Variants in SORCS1 observed in about 807,000 individuals in gnomAD.
SORCS1 encodes the protein sortilin related VPS10 domain containing receptor 1.
In SORCS1, 60 loss-of-function variants were observed where a neutral mutation model predicts 146.1. The observed-to-expected ratio is 0.41, with a 90% confidence interval of 0.33 to 0.51. The LOEUF (loss-of-function observed/expected upper bound fraction) is 0.51, where lower values mean the gene tolerates loss of function less well. Among genes scored for constraint, SORCS1 ranks in the 20% least tolerant of loss-of-function variants. The pLI is 0.21. For synonymous variants in SORCS1, 637 were observed against 584.0 expected (o/e 1.09, Z -1.31); for missense variants, 1,352 against 1,487.6 (o/e 0.91, Z 1.50).
intron 1 of SORCS1, among the ~76,000 whole-genome samples, chr10:106,971,673 T>C (rs1373014600): frequency 1.3e-5 from 2 of 152,236 alleles, no homozygotes; most frequent in South Asian, 2.1e-4. Flanking sequence ...CAAAGGTTTA[T>C]TGATTTTCCT....
At chr10:107,136,744 C>T (rs993636353) in intron 1 of SORCS1, among the ~76,000 whole-genome samples, 4 of 152,150 alleles carry the variant, frequency 2.6e-5, no homozygotes, top group African/African-American at 9.7e-5. Flanking sequence ...CAAGATCACC[C>T]AGCTAGTAAG....
intron 2 of SORCS1, among the ~76,000 whole-genome samples, chr10:106,838,763 G>A (rs56957578): frequency 0.038 from 5,800 of 152,256 alleles, 298 homozygotes; most frequent in East Asian, 0.24. Context: ...CAGGGAGCAA[G>A]TCTATTGGTG....
At chr10:107,167,885 T>A (rs1415283161), upstream of SORCS1, among the ~76,000 whole-genome samples, 1 of 151,992 alleles carries the variant, frequency 6.6e-6, no homozygotes, top group Non-Finnish European at 1.5e-5. Flanking sequence ...ATATGAACAT[T>A]TAGTCATTGT....
At chr10:106,703,549 C>T (rs1436387721) in intron 8 of SORCS1, among the ~76,000 whole-genome samples, 1 of 152,206 alleles carries the variant, frequency 6.6e-6, no homozygotes. Context: ...ATTAAAATCT[C>T]CCTACCCACT....
chr10:107,007,108 C>G (rs1957482910), intron 1 of SORCS1, among the ~76,000 whole-genome samples: 1 of 152,124 alleles, frequency 6.6e-6, no homozygotes, highest in Non-Finnish European at 1.5e-5. Context: ...TAAAACTTCC[C>G]CTGCAATCCC....
chr10:107,054,433 G>C (rs1960406442), intron 1 of SORCS1, among the ~76,000 whole-genome samples: 1 of 152,136 alleles, frequency 6.6e-6, no homozygotes, highest in Admixed American at 6.6e-5. Flanking sequence ...AAATGGACCA[G>C]GTAAAGACAG....
intron 2 of SORCS1, among the ~76,000 whole-genome samples, chr10:106,903,662 A>C (rs1219363483): frequency 2.6e-5 from 4 of 152,222 alleles, no homozygotes; most frequent in African/African-American, 9.6e-5. Context: ...AAGAAACCAA[A>C]TGTATTTTTA....
chr10:106,748,775 CCTTTT>C (rs1260077709), intron 5 of SORCS1, among the ~76,000 whole-genome samples: 3 of 152,144 alleles, frequency 2.0e-5, no homozygotes, highest in African/African-American at 7.2e-5. Flanking sequence ...ACAATCCTTT[CCTTTT>C]GTCTTCTTCT....
intron 23 of SORCS1, among the ~76,000 whole-genome samples, chr10:106,604,751 A>C (rs950807416): frequency 1.4e-4 from 22 of 152,012 alleles, no homozygotes; most frequent in African/African-American, 5.3e-4. Context: ...CATGCCCTTG[A>C]CTATACCAGT....
intron 1 of SORCS1, among the ~76,000 whole-genome samples, chr10:107,074,248 T>C (rs900925974): frequency 1.3e-5 from 2 of 152,194 alleles, no homozygotes; most frequent in African/African-American, 4.8e-5. Flanking sequence ...ACTGTCTCCA[T>C]AGTTTGGTCT....
rs557851124 is a variant in SORCS1, at chr10:106,973,018, G to A, written c.559-16438C>T. On this transcript the variant is annotated intron_variant, in intron 1 of 25. Transcript: ENST00000263054. ...CCATTGAGGCTGAGGGGTCATCTTT[G>A]TATCACATTCACTGAGATCTCCGTG... 1.6e-4 allele frequency among the ~76,000 whole-genome samples: 25 copies of A among 152,256 alleles called. No individual in the cohort carries two copies. The South Asian group carries it at 2.3e-3, about 14-fold the overall frequency.
At chr10:106,902,885 T>A (rs1373369714) in intron 2 of SORCS1, among the ~76,000 whole-genome samples, 1 of 152,198 alleles carries the variant, frequency 6.6e-6, no homozygotes, top group Non-Finnish European at 1.5e-5. Context: ...GAGATCATCC[T>A]GGCTAACATG....
intron 1 of SORCS1, among the ~76,000 whole-genome samples, chr10:106,964,720 T>G (rs547485621): frequency 1.3e-5 from 2 of 152,132 alleles, no homozygotes; most frequent in East Asian, 1.9e-4. Flanking sequence ...TCTCCTGACC[T>G]CCTTATCTGC....
intron 2 of SORCS1, among the ~76,000 whole-genome samples, chr10:106,904,569 T>C (rs74152274): frequency 0.024 from 3,581 of 152,294 alleles, 133 homozygotes; most frequent in African/African-American, 0.08. Context: ...GATCATTAAC[T>C]GTCAGGGCAT....
In SORCS1 at chr10:106,671,003, G is replaced by A. The variant is rs78124757; in HGVS notation, c.2189+234C>T. ...GCCACCATGCCCGGCCAAATCTGCC[G>A]GTAATGAAGATAATTACCAGCCATC... On this transcript the variant is annotated intron_variant, in intron 16 of 25. Transcript: ENST00000263054. 2.8e-3 allele frequency among the ~76,000 whole-genome samples: 433 copies of A among 152,094 alleles called. 1 individual carries two copies. Among genetic ancestry groups the A allele is most frequent in the African/African-American group, 9.6e-3 (397 of 41,498 alleles).
chr10:106,851,367 G>A (rs1425840245), intron 2 of SORCS1, among the ~76,000 whole-genome samples: 1 of 152,154 alleles, frequency 6.6e-6, no homozygotes, highest in East Asian at 1.9e-4. Context: ...GTTAATTTTT[G>A]TGAGGGCTGT....
intron 1 of SORCS1, among the ~76,000 whole-genome samples, chr10:107,149,164 A>C: frequency 6.6e-6 from 1 of 151,992 alleles, no homozygotes; most frequent in East Asian, 1.9e-4. Context: ...CTATACATAC[A>C]TTTCCGCCCC....
chr10:107,153,322 C>T (rs1218144804), intron 1 of SORCS1, among the ~76,000 whole-genome samples: 3 of 152,034 alleles, frequency 2.0e-5, no homozygotes, highest in African/African-American at 4.8e-5. Flanking sequence ...GCTTATGTTG[C>T]TGTGAATGTA....
chr10:106,933,647 C>T (rs1248123380), intron 2 of SORCS1, among the ~76,000 whole-genome samples: 2 of 151,982 alleles, frequency 1.3e-5, no homozygotes, highest in East Asian at 1.9e-4. Context: ...TGCCCCCCCA[C>T]CCCCAGCTAT....
Sources: allele counts gnomAD v4.1 joint callset (sites outside exome capture counted in the v4.1 genomes callset), GRCh38; gene constraint gnomAD v4.1.1; transcripts MANE v1.5; gene names NCBI Gene and HGNC (gene_info 2026-07-23, HGNC 2026-07-21).